Variants in ADCY6 observed in about 807,000 individuals in gnomAD.
The protein encoded by ADCY6 is adenylate cyclase 6.
Under a neutral mutation model 111.6 loss-of-function variants are expected in ADCY6, and 59 were observed. That is an observed-to-expected ratio of 0.53 (90% CI 0.43 to 0.66). ADCY6 has a LOEUF of 0.66. ADCY6 is among the 30% of genes least tolerant of loss of function. The pLI, the probability that ADCY6 is intolerant of heterozygous loss-of-function variation, is 0.00. For synonymous variants in ADCY6, 576 were observed against 642.9 expected (o/e 0.90, Z 1.57); for missense variants, 1,242 against 1,595.6 (o/e 0.78, Z 3.78).
Position 48,776,813 on chromosome 12 carries a change from C to T in ADCY6, c.1377-227G>A, listed in dbSNP as rs978648313. ...CCCAGCAGCATCTTATGGAACTGAGCTAGGAGAAGAGGAATCACTGTTATC... is the reference window on the plus strand; with the variant it reads ...CCCAGCAGCATCTTATGGAACTGAGTTAGGAGAAGAGGAATCACTGTTATC... On this transcript the variant is annotated intron_variant, in intron 6 of 21. Coordinates refer to ENST00000357869, the MANE Select transcript of ADCY6 (RefSeq NM_015270.5). This position sits in a 1 kb window ranked among gnomAD's most constrained non-coding sequence, Gnocchi z 6.1. Among the ~76,000 whole-genome samples, 3 of 152,182 alleles carry T rather than the reference C, an allele frequency of 2.0e-5. No homozygotes were observed. Among genetic ancestry groups the T allele is most frequent in the Non-Finnish European group, 4.4e-5 (3 of 68,028 alleles).
chr12:48,779,160 G>T (rs1941783979), intron 2 of ADCY6, among the ~76,000 whole-genome samples: 1 of 152,052 alleles, frequency 6.6e-6, no homozygotes, highest in African/African-American at 2.4e-5. Flanking sequence ...TACGGGCATG[G>T]ATTACAGGCA....
At chr12:48,772,463 G>A in intron 17 of ADCY6, 39 bp from the exon 18 acceptor site, 1 of 1,614,226 alleles carries the variant, frequency 6.2e-7, no homozygotes, top group South Asian at 1.1e-5. Context: ...TCTGAAGGAG[G>A]CATCTAATGG....
At chr12:48,775,200 C>A in intron 11 of ADCY6, 103 bp downstream of exon 11, 1 of 1,539,170 alleles carries the variant, frequency 6.5e-7, no homozygotes, top group Admixed American at 1.8e-5. Context: ...GTGGTCCCTT[C>A]TCCATCCCCC....
intron 1 of ADCY6, among the ~76,000 whole-genome samples, chr12:48,785,441 G>A (rs1941963447): frequency 6.6e-6 from 1 of 152,116 alleles, no homozygotes; most frequent in Non-Finnish European, 1.5e-5. Context: ...CCAACATGGT[G>A]AAACCCCATT....
intron 1 of ADCY6, 37 bp from the exon 2 acceptor site, chr12:48,783,475 C>A (rs1941910504): frequency 6.2e-7 from 1 of 1,613,122 alleles, no homozygotes; most frequent in African/African-American, 1.3e-5. Flanking sequence ...TAGAGACCAT[C>A]CAGTAGGAGT....
intron 18 of ADCY6, 126 bp from the exon 19 acceptor site, chr12:48,772,099 A>G: frequency 2.8e-6 from 4 of 1,417,902 alleles, no homozygotes; most frequent in Non-Finnish European, 3.8e-6. Context: ...GATGAGGCCT[A>G]AAGAACAGGC....
rs938420123 is a variant in ADCY6 at position 48,783,168 on chromosome 12, C to A, written c.267G>T (p.Leu89=). The change falls in exon 2 of 22, where the codon CTG becomes CTT. Residue 89 remains leucine, a synonymous_variant. Coordinates refer to ENST00000357869, the MANE Select transcript of ADCY6 (RefSeq NM_015270.5). ...GKELGLRAVA[L]GFEDTEVTTT... ...TTGTCACCTCGGTATCCTCGAAGCC[C>A]AGGGCCACTGCCCGCAGCCCCAGCT... The A allele has an allele frequency of 1.2e-6, 2 of 1,607,146 alleles. No individual in the cohort carries two copies. Among genetic ancestry groups the A allele is most frequent in the Non-Finnish European group, 8.5e-7 (1 of 1,179,624 alleles).
At chr12:48,775,853 C>T (rs1941684443) in intron 9 of ADCY6, 110 bp downstream of exon 9, 1 of 1,524,014 alleles carries the variant, frequency 6.6e-7, no homozygotes, top group Non-Finnish European at 8.9e-7. Context: ...TGCCCCAATA[C>T]CAGAAAGCAT....
In ADCY6 at chr12:48,771,104, A is replaced by G; in HGVS notation, c.3052-134T>C. On this transcript the variant is annotated intron_variant, in intron 19 of 21. Coordinates refer to ENST00000357869, the MANE Select transcript of ADCY6 (RefSeq NM_015270.5). This position sits in a 1 kb window ranked among gnomAD's most constrained non-coding sequence, Gnocchi z 4.3. Reference sequence around the variant, plus strand: ...CAAGAGCCCCCTTCCAGCTGCTGCTATCAGTGTAAGACTGAGGAGCTGGGA... The same window carrying G: ...CAAGAGCCCCCTTCCAGCTGCTGCTGTCAGTGTAAGACTGAGGAGCTGGGA... 1.1e-6 allele frequency: 1 copy of G among 901,634 alleles called. No homozygotes were observed. 55.9% of individuals were successfully genotyped at this position (901,634 alleles called of 1,614,324 possible).
rs552533168 is a variant in ADCY6, at chr12:48,768,437, G to C, written c.*154C>G. ...CTTGTTTTCCAGCTTGAGGGCAGAC[G>C]AGCATGATCCAAGCACAGCCTGCTG... On this transcript the variant is annotated 3_prime_UTR_variant, in exon 22 of 22. Coordinates refer to ENST00000357869, the MANE Select transcript of ADCY6 (RefSeq NM_015270.5). 2 of 1,093,822 alleles carry C rather than the reference G, an allele frequency of 1.8e-6. No individual in the cohort carries two copies. The highest frequency in any genetic ancestry group is 2.5e-5 in the East Asian group (1 of 39,378). 67.8% of individuals were successfully genotyped at this position (1,093,822 alleles called of 1,614,324 possible).
At chr12:48,786,063 C>T (rs973950583) in intron 1 of ADCY6, among the ~76,000 whole-genome samples, 2 of 152,200 alleles carry the variant, frequency 1.3e-5, no homozygotes, top group Non-Finnish European at 2.9e-5. Context: ...CCACACTCCT[C>T]TATGCTCACA....
At chr12:48,787,502 C>G (rs577120996) in intron 1 of ADCY6, among the ~76,000 whole-genome samples, 1 of 152,172 alleles carries the variant, frequency 6.6e-6, no homozygotes, top group Non-Finnish European at 1.5e-5. Context: ...CTGCCCATCC[C>G]GCAGAACTTG....
At chr12:48,775,794 C>G in intron 9 of ADCY6, 96 bp from the exon 10 acceptor site, 1 of 1,525,188 alleles carries the variant, frequency 6.6e-7, no homozygotes, top group East Asian at 2.4e-5. Flanking sequence ...TGAGGGTGTC[C>G]CCGTCATATC....
In ADCY6 at chr12:48,771,787, A is replaced by G. The variant is rs755635840; in HGVS notation, c.2974T>C (p.Tyr992His). ...FASIANFSEF[Y>H]VELEANNEGV... ...TCATTGTTTGCCTCCAGCTCCACAT[A>G]GAACTCAGAGAAGTTGGCAATGGAG... Residue 992 changes from tyrosine to histidine, a missense_variant, in exon 19 of 22, where the codon TAT (tyrosine) becomes CAT (histidine). Coordinates refer to ENST00000357869, the MANE Select transcript of ADCY6 (RefSeq NM_015270.5). The surrounding 1 kb of genome is among the most constrained non-coding windows in gnomAD (Gnocchi z 4.3). 1 of 1,614,208 alleles carries G rather than the reference A, an allele frequency of 6.2e-7. No homozygotes were observed. Among genetic ancestry groups the G allele is most frequent in the South Asian group, 1.1e-5 (1 of 91,078 alleles).
At position 48,777,795 on chromosome 12, in the gene ADCY6, C is replaced by A; in HGVS notation, c.1015-59G>T. 7 of 1,599,112 alleles carry A rather than the reference C, an allele frequency of 4.4e-6. No homozygotes were observed. The highest frequency in any genetic ancestry group is 6.0e-6 in the Non-Finnish European group (7 of 1,173,122). On this transcript the variant is annotated intron_variant, in intron 3 of 21. Transcript: ENST00000357869. This position sits in a 1 kb window ranked among gnomAD's most constrained non-coding sequence, Gnocchi z 4.9. ...CTCTTGGTCTCACATTGCAATCCCT[C>A]CTGGTCTCTCCACATCGCCAGAGCC...
At chr12:48,787,390 A>T (rs1490525552) in intron 1 of ADCY6, among the ~76,000 whole-genome samples, 1 of 151,872 alleles carries the variant, frequency 6.6e-6, no homozygotes, top group Admixed American at 6.6e-5. Context: ...AGAATGCATG[A>T]CCCTCCCAGG....
rs746626485 is a variant in ADCY6, at chr12:48,777,241, A to G, written c.1249-10T>C. The G allele has an allele frequency of 6.2e-7, 1 of 1,611,188 alleles. No individual in the cohort carries two copies. The highest frequency in any genetic ancestry group is 1.7e-5 in the Admixed American group (1 of 59,870). On this transcript the variant is annotated splice_polypyrimidine_tract_variant and intron_variant, in intron 5 of 21. Coordinates refer to ENST00000357869, the MANE Select transcript of ADCY6 (RefSeq NM_015270.5). The surrounding 1 kb of genome is among the most constrained non-coding windows in gnomAD (Gnocchi z 4.9). The stretch of plus-strand genomic sequence containing the variant: ...TCAGGCAGTGATTCTCCTGAATGGG[A>G]AGGAATTGGAGGGAAGGGTAACCTT...
chr12:48,772,364 C>A lies in ADCY6; in HGVS notation c.2718G>T (p.Ala906=). 1 of 1,614,196 alleles carries A rather than the reference C, an allele frequency of 6.2e-7. No homozygotes were observed. Among genetic ancestry groups the A allele is most frequent in the Non-Finnish European group, 8.5e-7 (1 of 1,180,028 alleles). Residue 906 remains alanine, a synonymous_variant, in exon 18 of 22, where the codon GCG becomes GCT. Transcript: ENST00000357869. ...YMTPVILLVF[A]LALYLHAQQV... is the part of the protein sequence containing the mutation. ...GCTGAGCATGCAGATACAGCGCCAG[C>A]GCAAACACCAGCAGAATCACAGGGG... is the stretch of plus-strand genomic sequence containing the variant.
intron 15 of ADCY6, 71 bp from the exon 16 acceptor site, chr12:48,773,718 C>A (rs571484557): frequency 6.3e-7 from 1 of 1,575,762 alleles, no homozygotes; most frequent in South Asian, 1.1e-5. Context: ...GAGAGCCCTG[C>A]ACTCTCCTGC....
Sources: allele counts gnomAD v4.1 joint callset (sites outside exome capture counted in the v4.1 genomes callset), GRCh38; gene constraint gnomAD v4.1.1; non-coding constraint Gnocchi (gnomAD v3.1); transcripts MANE v1.5; gene names NCBI Gene and HGNC (gene_info 2026-07-23, HGNC 2026-07-21).